Variants in CDH12 observed in about 807,000 individuals in gnomAD.
CDH12 encodes cadherin 12.
A neutral mutation model predicts 74.1 loss-of-function variants in CDH12; 41 were observed. The ratio of observed to expected loss-of-function variants is 0.55; its 90% CI spans 0.43 to 0.72. The LOEUF is 0.72. Among genes scored for constraint, CDH12 ranks in the 30% least tolerant of loss-of-function variants. CDH12 has a pLI of 0.00. For synonymous variants in CDH12, 399 were observed against 355.0 expected (o/e 1.12, Z -1.39); for missense variants, 945 against 977.2 (o/e 0.97, Z 0.44).
At chr5:21,760,107 C>T (rs988223651) in intron 13 of CDH12, among the ~76,000 whole-genome samples, 7 of 151,878 alleles carry the variant, frequency 4.6e-5, no homozygotes, top group Admixed American at 2.0e-4. Flanking sequence ...GCATTTAGGT[C>T]GATTCTGTCT....
chr5:22,155,592 G>A lies in CDH12; in HGVS notation c.-187+56906C>T, dbSNP rs533994370. Among the ~76,000 whole-genome samples, 16 of 152,178 alleles carry A rather than the reference G, an allele frequency of 1.1e-4. No individual in the cohort carries two copies. The East Asian group carries it at 3.1e-3, about 29-fold the overall frequency. ...AATTTTTTCTGGAATGATTTATTAT[G>A]TGCAGACTTTGGGTTATTGGAATAG... is the stretch of plus-strand genomic sequence containing the variant. On this transcript the variant is annotated intron_variant, in intron 4 of 14. Transcript: ENST00000382254.
intron 3 of CDH12, among the ~76,000 whole-genome samples, chr5:22,226,109 A>G (rs747903165): frequency 5.9e-5 from 9 of 151,916 alleles, no homozygotes; most frequent in Non-Finnish European, 1.3e-4. Flanking sequence ...TAGAAGTTCA[A>G]GAGTTTTCAC....
intron 1 of CDH12, among the ~76,000 whole-genome samples, chr5:22,651,748 G>C (rs1203267324): frequency 6.6e-6 from 1 of 151,294 alleles, no homozygotes; most frequent in African/African-American, 2.4e-5. Context: ...TGATTGTCAT[G>C]ATGGATGCAC....
intron 4 of CDH12, among the ~76,000 whole-genome samples, chr5:22,100,014 G>C (rs1298314787): frequency 6.6e-6 from 1 of 152,002 alleles, no homozygotes; most frequent in African/African-American, 2.4e-5. Flanking sequence ...TGCCCCTAAT[G>C]CCGCTCGAAG....
chr5:21,976,961 A>G (rs984653862), intron 5 of CDH12, among the ~76,000 whole-genome samples: 3 of 152,126 alleles, frequency 2.0e-5, no homozygotes, highest in African/African-American at 2.4e-5. Flanking sequence ...CTGTAGCTAC[A>G]TCTTTGCTCT....
chr5:22,110,951 G>A (rs1201497100), intron 4 of CDH12, among the ~76,000 whole-genome samples: 1 of 152,106 alleles, frequency 6.6e-6, no homozygotes, highest in Non-Finnish European at 1.5e-5. Context: ...GAGAGAGGTT[G>A]GTCATATCAG....
At chr5:22,727,551 A>G (rs1236057197) in intron 1 of CDH12, among the ~76,000 whole-genome samples, 2 of 151,682 alleles carry the variant, frequency 1.3e-5, no homozygotes, top group Non-Finnish European at 3.0e-5. Context: ...TTGCATATTT[A>G]GCATTTCATT....
intron 6 of CDH12, among the ~76,000 whole-genome samples, chr5:21,886,481 A>C (rs1032785605): frequency 1.4e-5 from 2 of 147,292 alleles, no homozygotes; most frequent in Non-Finnish European, 3.0e-5. Context: ...TATGAGGAAA[A>C]ATAGTAAAGA....
At chr5:21,870,027 C>T (rs1022000891) in intron 6 of CDH12, among the ~76,000 whole-genome samples, 2 of 152,098 alleles carry the variant, frequency 1.3e-5, no homozygotes, top group African/African-American at 2.4e-5. Flanking sequence ...AATGAGTCCA[C>T]GAGATCTGAT....
Position 22,069,054 on chromosome 5 carries a change from C to G in CDH12, c.231+9392G>C, listed in dbSNP as rs142303488. 2.0e-5 allele frequency among the ~76,000 whole-genome samples: 3 copies of G among 152,318 alleles called. No individual in the cohort carries two copies. The East Asian group carries it at 5.8e-4, about 29-fold the overall frequency. ...GAGCAGCATTTTGTTCTTACTGGAA[C>G]AAACACTCTGGATGCAGATTTTCCT... On this transcript the variant is annotated intron_variant, in intron 5 of 14. Transcript: ENST00000382254.
intron 1 of CDH12, among the ~76,000 whole-genome samples, chr5:22,625,947 G>GT (rs1216540230): frequency 2.0e-5 from 3 of 152,030 alleles, no homozygotes; most frequent in Admixed American, 2.0e-4. Context: ...ACACACTTGG[G>GT]TGGACCTTGC....
chr5:22,096,116 C>G (rs1379629813), intron 4 of CDH12, among the ~76,000 whole-genome samples: 1 of 152,020 alleles, frequency 6.6e-6, no homozygotes, highest in Non-Finnish European at 1.5e-5. Context: ...CTCCTTCTCC[C>G]TTAGCCTGTG....
At chr5:22,669,399 A>G (rs1171917111) in intron 1 of CDH12, among the ~76,000 whole-genome samples, 1 of 152,242 alleles carries the variant, frequency 6.6e-6, no homozygotes, top group African/African-American at 2.4e-5. Context: ...AAGAGAAAGA[A>G]TATGTATTTG....
At chr5:22,477,522 A>C (rs1746214263) in intron 2 of CDH12, among the ~76,000 whole-genome samples, 1 of 152,124 alleles carries the variant, frequency 6.6e-6, no homozygotes, top group Non-Finnish European at 1.5e-5. Context: ...TGTCTTTGCT[A>C]TTGTGGATAG....
chr5:22,574,728 A>G (rs1739701153), intron 1 of CDH12, among the ~76,000 whole-genome samples: 1 of 152,076 alleles, frequency 6.6e-6, no homozygotes, highest in Admixed American at 6.6e-5. Flanking sequence ...TCTTAACTCA[A>G]ATGCTATCAG....
intron 4 of CDH12, among the ~76,000 whole-genome samples, chr5:22,185,024 G>A (rs1212469846): frequency 2.0e-5 from 3 of 151,822 alleles, no homozygotes; most frequent in Non-Finnish European, 2.9e-5. Context: ...TCTCTGAAAG[G>A]CCCCAGTGTG....
chr5:22,756,254 T>G (rs1745904284), intron 1 of CDH12, among the ~76,000 whole-genome samples: 1 of 152,122 alleles, frequency 6.6e-6, no homozygotes, highest in Non-Finnish European at 1.5e-5. Flanking sequence ...AAATACTGAT[T>G]AAAACACTAG....
intron 4 of CDH12, among the ~76,000 whole-genome samples, chr5:22,209,085 G>A (rs1210681387): frequency 6.6e-6 from 1 of 152,058 alleles, no homozygotes; most frequent in African/African-American, 2.4e-5. Context: ...GAACATGTTG[G>A]AACACAATAA....
intron 5 of CDH12, among the ~76,000 whole-genome samples, chr5:22,044,146 G>T (rs1264249279): frequency 6.6e-6 from 1 of 152,070 alleles, no homozygotes; most frequent in Non-Finnish European, 1.5e-5. Context: ...TGAGCAAAAT[G>T]AACAAGCTGT....
Sources: allele counts gnomAD v4.1 joint callset (sites outside exome capture counted in the v4.1 genomes callset), GRCh38; gene constraint gnomAD v4.1.1; transcripts MANE v1.5; gene names NCBI Gene and HGNC (gene_info 2026-07-23, HGNC 2026-07-21).